Variants in CNRIP1 observed in about 807,000 individuals in gnomAD.
CNRIP1 encodes CB1 cannabinoid receptor-interacting protein 1.
In CNRIP1, 10 loss-of-function variants were observed where a neutral mutation model predicts 15.2. The ratio of observed to expected loss-of-function variants is 0.66; its 90% CI spans 0.41 to 1.12. The LOEUF is 1.12. Among genes scored for constraint, CNRIP1 ranks in the 50% most tolerant of loss-of-function variants. The probability of loss-of-function intolerance (pLI) is 0.00; values close to 1 mark genes in which losing one functional copy is unlikely to be tolerated. For synonymous variants in CNRIP1, 91 were observed against 83.2 expected (o/e 1.09, Z -0.51); for missense variants, 211 against 214.7 (o/e 0.98, Z 0.11).
chr2:68,305,010 C>T (rs967911880), intron 2 of CNRIP1, among the ~76,000 whole-genome samples: 2 of 152,002 alleles, frequency 1.3e-5, no homozygotes, highest in Non-Finnish European at 2.9e-5. Context: ...TTTGCGAAGC[C>T]GAGGGGTGTG....
intron 2 of CNRIP1, among the ~76,000 whole-genome samples, chr2:68,305,270 A>ATG (rs1367890101): frequency 2.0e-4 from 20 of 98,614 alleles, no homozygotes; most frequent in African/African-American, 6.9e-4. Context: ...ATATATATAT[A>ATG]TATATGTGTG....
intron 2 of CNRIP1, among the ~76,000 whole-genome samples, chr2:68,305,244 C>CAAAGAA (rs1671775578): frequency 1.1e-5 from 1 of 91,652 alleles, no homozygotes; most frequent in African/African-American, 3.9e-5. Flanking sequence ...AACTCCGTCT[C>CAAAGAA]AAAAAAAAAA....
At chr2:68,309,850 T>A (rs1672008066) in intron 2 of CNRIP1, among the ~76,000 whole-genome samples, 1 of 152,172 alleles carries the variant, frequency 6.6e-6, no homozygotes, top group East Asian at 1.9e-4. Context: ...TAGTGGGACA[T>A]GGACACCCTA....
chr2:68,318,942 A>G (rs1263438681), intron 1 of CNRIP1, among the ~76,000 whole-genome samples: 1 of 152,246 alleles, frequency 6.6e-6, no homozygotes, highest in African/African-American at 2.4e-5. Flanking sequence ...GAAATTTATA[A>G]GAAACAGACA....
At chr2:68,318,354 C>T (rs1672354977) in intron 1 of CNRIP1, among the ~76,000 whole-genome samples, 1 of 152,190 alleles carries the variant, frequency 6.6e-6, no homozygotes, top group Admixed American at 6.5e-5. Context: ...TTTATTTTCT[C>T]TCTGCAGACT....
intron 2 of CNRIP1, among the ~76,000 whole-genome samples, chr2:68,298,943 T>C (rs939562597): frequency 5.3e-5 from 8 of 152,330 alleles, no homozygotes; most frequent in African/African-American, 1.7e-4. Context: ...CCAGGCAGGC[T>C]CCTGGGTGGT....
At chr2:68,306,637 T>C (rs1303535527) in intron 2 of CNRIP1, among the ~76,000 whole-genome samples, 2 of 151,926 alleles carry the variant, frequency 1.3e-5, no homozygotes, top group Non-Finnish European at 2.9e-5. Flanking sequence ...AAAACTTAGC[T>C]GGGCGTGGTG....
At chr2:68,306,498 C>T (rs918462990) in intron 2 of CNRIP1, among the ~76,000 whole-genome samples, 29 of 152,052 alleles carry the variant, frequency 1.9e-4, no homozygotes, top group Middle Eastern at 3.4e-3. Flanking sequence ...TTACAAATGG[C>T]GACCAGGCAC....
chr2:68,288,334 C>T (rs902270359), downstream of CNRIP1, among the ~76,000 whole-genome samples: 1 of 151,952 alleles, frequency 6.6e-6, no homozygotes, highest in African/African-American at 2.4e-5. Context: ...CACTTGAAGG[C>T]GTTTGCAAGG....
At chr2:68,317,766 G>C (rs1251925445) in intron 1 of CNRIP1, among the ~76,000 whole-genome samples, 3 of 152,174 alleles carry the variant, frequency 2.0e-5, no homozygotes, top group Non-Finnish European at 4.4e-5. Flanking sequence ...AGCAGTATCA[G>C]CATCACCTGC....
chr2:68,306,778 TAAA>T (rs143458691), intron 2 of CNRIP1, among the ~76,000 whole-genome samples: 5 of 139,352 alleles, frequency 3.6e-5, no homozygotes, highest in Admixed American at 2.2e-4. Flanking sequence ...AAGACTCCAT[TAAA>T]AAAAAAAAAA....
rs1671220083 is a variant in CNRIP1 at position 68,293,111 on chromosome 2, G to A, written c.*751C>T. On this transcript the variant is annotated 3_prime_UTR_variant, in exon 3 of 3. Transcript: ENST00000263655. The stretch of plus-strand genomic sequence containing the variant: ...AGAAGACTGTAGGGATGCCATCAAT[G>A]TGCGTGTCTGAAGACTATGGAAGCT... 1.0e-6 allele frequency: 1 copy of A among 985,436 alleles called. No homozygotes were observed. The highest frequency in any genetic ancestry group is 1.2e-6 in the Non-Finnish European group (1 of 829,942). 61.0% of individuals were successfully genotyped at this position (985,436 alleles called of 1,614,324 possible).
Position 68,319,439 on chromosome 2 carries a change from G to A in CNRIP1, c.-39C>T. On this transcript the variant is annotated 5_prime_UTR_variant, in exon 1 of 3. Transcript: ENST00000263655. ...TCTGGCGCGGCGGCTCCGGGGGGCGGAGGACAGCGCCGGCTGCGGCCGAGT... is the reference window on the plus strand; with the variant it reads ...TCTGGCGCGGCGGCTCCGGGGGGCGAAGGACAGCGCCGGCTGCGGCCGAGT... 5.4e-6 allele frequency: 8 copies of A among 1,482,960 alleles called. No individual in the cohort carries two copies. The highest frequency in any genetic ancestry group is 6.3e-6 in the Non-Finnish European group (7 of 1,117,684). 91.9% of individuals were successfully genotyped at this position (1,482,960 alleles called of 1,614,324 possible).
chr2:68,319,544 C>T lies in CNRIP1; in HGVS notation c.-144G>A. 2 of 764,230 alleles carry T rather than the reference C, an allele frequency of 2.6e-6. No homozygotes were observed. The highest frequency in any genetic ancestry group is 3.9e-6 in the Non-Finnish European group (2 of 508,636). The allele number at this position is 764,230 out of a possible 1,614,324, so 47.3% of individuals were successfully genotyped here. On this transcript the variant is annotated 5_prime_UTR_variant, in exon 1 of 3. Coordinates refer to ENST00000263655, the MANE Select transcript of CNRIP1 (RefSeq NM_015463.3). ...AGCTGAGGCTGCCGCTAGGAACCCG[C>T]GCCGTCGCCGCCGTCCGCCCGGGCT...
chr2:68,316,910 C>G (rs1401888226), intron 2 of CNRIP1: 2 of 613,580 alleles, frequency 3.3e-6, no homozygotes, highest in East Asian at 5.5e-5. Flanking sequence ...TAGGTTCTGT[C>G]TCTTCCAGAA....
chr2:68,294,800 AT>A (rs1228414313), intron 2 of CNRIP1, among the ~76,000 whole-genome samples: 1 of 152,210 alleles, frequency 6.6e-6, no homozygotes, highest in Non-Finnish European at 1.5e-5. Flanking sequence ...CCAGAACCAT[AT>A]TTGAGTATCT....
In CNRIP1 at chr2:68,319,937, T is replaced by A. The variant is rs562551020; in HGVS notation, c.-537A>T. ...CTGGATACCGCCTCGGCCAGCTACG[T>A]GAGGTGGACACTGCTGCTCGCGGAT... On this transcript the variant is annotated 5_prime_UTR_variant, in exon 1 of 3. Transcript: ENST00000263655. 1 of 151,268 alleles carries A rather than the reference T, an allele frequency of 6.6e-6. No individual in the cohort carries two copies. Among genetic ancestry groups the A allele is most frequent in the Admixed American group, 6.6e-5 (1 of 15,224 alleles). The allele number at this position is 151,268 out of a possible 1,614,324, so 9.4% of individuals were successfully genotyped here. A position where few individuals can be genotyped will look rare whatever the true frequency, so the allele number is the denominator to read the frequency against.
rs769586405 is a variant in CNRIP1 at position 68,293,316 on chromosome 2, A to T, written c.*546T>A. On this transcript the variant is annotated 3_prime_UTR_variant, in exon 3 of 3. Transcript: ENST00000263655. ...GTTTGTTACCATCCTTCCCTGAAAG[A>T]GCGGAGCTGTTTATAGGAAGCACAA... 2.3e-4 allele frequency: 225 copies of T among 985,940 alleles called. 1 individual carries two copies. The highest frequency in any genetic ancestry group is 1.0e-3 in the Middle Eastern group (2 of 1,936). The allele number at this position is 985,940 out of a possible 1,614,324, so 61.1% of individuals were successfully genotyped here. A position where few individuals can be genotyped will look rare whatever the true frequency, so the allele number is the denominator to read the frequency against.
At chr2:68,315,332 A>G (rs1672232076) in intron 2 of CNRIP1, among the ~76,000 whole-genome samples, 1 of 152,214 alleles carries the variant, frequency 6.6e-6, no homozygotes, top group Admixed American at 6.5e-5. Context: ...TACCTAGTGC[A>G]GAGAGAAATG....
Sources: allele counts gnomAD v4.1 joint callset (sites outside exome capture counted in the v4.1 genomes callset), GRCh38; gene constraint gnomAD v4.1.1; transcripts MANE v1.5; gene names NCBI Gene and HGNC (gene_info 2026-07-23, HGNC 2026-07-21).